The following NRXN3 variants were observed in gnomAD, a reference collection of about 807,000 sequenced individuals.
The protein encoded by NRXN3 is neurexin III.
Under a neutral mutation model 137.6 loss-of-function variants are expected in NRXN3, and 32 were observed. The ratio of observed to expected loss-of-function variants is 0.23; its 90% CI spans 0.18 to 0.31. The LOEUF is 0.31. NRXN3 is among the 10% of genes least tolerant of loss of function. The pLI is 1.00. For synonymous variants in NRXN3, 798 were observed against 784.5 expected (o/e 1.02, Z -0.29); for missense variants, 1,574 against 2,062.5 (o/e 0.76, Z 4.59).
chr14:79,564,787 G>A (rs912771922), intron 16 of NRXN3, among the ~76,000 whole-genome samples: 1 of 152,094 alleles, frequency 6.6e-6, no homozygotes, highest in African/African-American at 2.4e-5. Context: ...GTGTTCATGG[G>A]GAACAAACCT....
chr14:79,713,164 C>CTTTT (rs574716352), intron 19 of NRXN3, among the ~76,000 whole-genome samples: 1 of 80,892 alleles, frequency 1.2e-5, no homozygotes, highest in African/African-American at 5.2e-5. Context: ...CTGATTTTTA[C>CTTTT]TTTTTTTTTT....
chr14:79,389,307 T>G (rs2094758408), intron 15 of NRXN3, among the ~76,000 whole-genome samples: 1 of 152,160 alleles, frequency 6.6e-6, no homozygotes, highest in African/African-American at 2.4e-5. Flanking sequence ...TGTTCTATGA[T>G]GAAAGGTGGA....
chr14:78,559,780 TA>T (rs936351415), intron 4 of NRXN3, among the ~76,000 whole-genome samples: 1 of 152,232 alleles, frequency 6.6e-6, no homozygotes, highest in African/African-American at 2.4e-5. Context: ...TAAGGCTGCT[TA>T]AAATGTCTTA....
chr14:79,063,750 A>G (rs1313465718), intron 15 of NRXN3, among the ~76,000 whole-genome samples: 2 of 152,156 alleles, frequency 1.3e-5, no homozygotes, highest in African/African-American at 4.8e-5. Flanking sequence ...TGCTTCAGGG[A>G]TTGGCAACCT....
At chr14:78,640,012 CCTTT>C (rs1334016887) in intron 4 of NRXN3, among the ~76,000 whole-genome samples, 2 of 152,088 alleles carry the variant, frequency 1.3e-5, no homozygotes, top group Non-Finnish European at 2.9e-5. Context: ...CATTTTCAGT[CCTTT>C]CTTGACTAAT....
chr14:78,456,890 G>A (rs550139165), intron 4 of NRXN3, among the ~76,000 whole-genome samples: 75 of 101,236 alleles, frequency 7.4e-4, no homozygotes, highest in African/African-American at 2.6e-3. Context: ...TCCTTCTTTC[G>A]TTCGTTCATT....
intron 15 of NRXN3, among the ~76,000 whole-genome samples, chr14:79,085,032 C>T (rs1280956216): frequency 1.3e-5 from 2 of 152,102 alleles, no homozygotes; most frequent in Non-Finnish European, 2.9e-5. Context: ...TGCCTGGCAC[C>T]TGCTTGAGTC....
chr14:79,302,984 A>G (rs1313149184), intron 15 of NRXN3, among the ~76,000 whole-genome samples: 1 of 151,984 alleles, frequency 6.6e-6, no homozygotes, highest in Non-Finnish European at 1.5e-5. Context: ...GTTGGGGATC[A>G]CATTTCACCA....
At chr14:78,460,390 AATC>A (rs1197456425) in intron 4 of NRXN3, among the ~76,000 whole-genome samples, 1 of 152,194 alleles carries the variant, frequency 6.6e-6, no homozygotes, top group Non-Finnish European at 1.5e-5. Flanking sequence ...CCAAACCTCT[AATC>A]ATGCCTTAGT....
At chr14:78,272,963 A>G (rs952358286) in intron 2 of NRXN3, among the ~76,000 whole-genome samples, 1 of 152,116 alleles carries the variant, frequency 6.6e-6, no homozygotes, top group East Asian at 1.9e-4. Context: ...CTTTTTGTCT[A>G]TTAAAAAAAT....
rs2067207034 is a variant in NRXN3, at chr14:78,242,586, GTCACCTGGC to G, written c.-501_-493del. ...AGTGGTCCTTGGCCTGTTTCTACCT[GTCACCTGGC>G]TCACCTCACCACTCACTCCTCCTCC... On this transcript the variant is annotated 5_prime_UTR_variant, in exon 2 of 21. Transcript: ENST00000335750. 2 of 156,052 alleles carry G rather than the reference GTCACCTGGC, an allele frequency of 1.3e-5. No homozygotes were observed. The highest frequency in any genetic ancestry group is 4.0e-4 in the South Asian group (2 of 5,036). The allele number at this position is 156,052 out of a possible 1,614,324, so 9.7% of individuals were successfully genotyped here.
intron 19 of NRXN3, among the ~76,000 whole-genome samples, chr14:79,774,741 C>G (rs7156118): frequency 0.067 from 10,131 of 152,058 alleles, 1,114 homozygotes; most frequent in African/African-American, 0.23. Context: ...ATATTATTTT[C>G]TATTTATCAA....
At chr14:79,159,219 C>T (rs1172135273) in intron 15 of NRXN3, among the ~76,000 whole-genome samples, 1 of 151,846 alleles carries the variant, frequency 6.6e-6, no homozygotes, top group Non-Finnish European at 1.5e-5. Context: ...ACTTCTACCT[C>T]TTGGTAGCCA....
chr14:79,083,152 C>T (rs2047393705), intron 15 of NRXN3, among the ~76,000 whole-genome samples: 1 of 152,192 alleles, frequency 6.6e-6, no homozygotes, highest in South Asian at 2.1e-4. Flanking sequence ...TAAGTCTAAG[C>T]TTGTTGTTCC....
At chr14:79,416,540 C>T (rs1348458716) in intron 15 of NRXN3, among the ~76,000 whole-genome samples, 53 of 152,068 alleles carry the variant, frequency 3.5e-4, no homozygotes, top group Non-Finnish European at 2.9e-5. Flanking sequence ...TAAAGCTCTA[C>T]TTGCAACATA....
intron 10 of NRXN3, among the ~76,000 whole-genome samples, chr14:78,819,244 GAT>G (rs1567407628): frequency 6.6e-6 from 1 of 152,076 alleles, no homozygotes; most frequent in African/African-American, 2.4e-5. Flanking sequence ...GCTATAGTCA[GAT>G]ATACAAGGTG....
intron 4 of NRXN3, among the ~76,000 whole-genome samples, chr14:78,440,151 C>T (rs991866093): frequency 7.9e-5 from 12 of 152,194 alleles, no homozygotes; most frequent in Non-Finnish European, 1.6e-4. Context: ...CCGGCCAGTA[C>T]GTGAGTTGTG....
intron 6 of NRXN3, among the ~76,000 whole-genome samples, chr14:78,660,052 C>T (rs1435596523): frequency 1.3e-5 from 2 of 151,938 alleles, no homozygotes; most frequent in Non-Finnish European, 1.5e-5. Context: ...CAGTAGGAAC[C>T]AGGTGTGAAC....
intron 19 of NRXN3, among the ~76,000 whole-genome samples, chr14:79,803,108 CT>C (rs1465625931): frequency 6.6e-6 from 1 of 152,136 alleles, no homozygotes; most frequent in East Asian, 1.9e-4. Flanking sequence ...AATTATACCC[CT>C]TTCAGATGTA....
Sources: gnomAD v4.1 joint callset for allele counts (sites outside exome capture counted in the v4.1 genomes callset) on GRCh38, gnomAD v4.1.1 for gene constraint, MANE v1.5 for transcripts, NCBI Gene and HGNC (gene_info 2026-07-23, HGNC 2026-07-21) for gene names.